Variants in MCM9 observed in about 807,000 individuals in gnomAD.
MCM9 encodes the protein DNA helicase MCM9.
Under a neutral mutation model 72.8 loss-of-function variants are expected in MCM9, and 55 were observed. That is an observed-to-expected ratio of 0.76 (90% confidence interval 0.61 to 0.95). MCM9 has a LOEUF of 0.95. Among genes scored for constraint, MCM9 ranks in the 40% least tolerant of loss-of-function variants. The pLI, the probability that MCM9 is intolerant of heterozygous loss-of-function variation, is 0.00. For missense variants in MCM9, 1,279 were observed against 1,377.0 expected, an observed-to-expected ratio of 0.93 and a Z score of 1.13; for synonymous variants, 480 against 503.4, an observed-to-expected ratio of 0.95 and a Z score of 0.62.
intron 8 of MCM9, among the ~76,000 whole-genome samples, chr6:118,860,847 T>G (rs2114700223): frequency 1.3e-5 from 2 of 152,364 alleles, no homozygotes; most frequent in South Asian, 4.1e-4. Context: ...TTATATTTGT[T>G]GTGCACTTTA....
intron 8 of MCM9, among the ~76,000 whole-genome samples, chr6:118,896,368 T>C (rs770825617): frequency 2.0e-5 from 3 of 151,822 alleles, no homozygotes; most frequent in Non-Finnish European, 4.4e-5. Flanking sequence ...CCACCAGAAG[T>C]TCTTCAAATT....
chr6:118,863,016 A>G (rs1016525198), intron 8 of MCM9, among the ~76,000 whole-genome samples: 5 of 152,220 alleles, frequency 3.3e-5, no homozygotes, highest in Non-Finnish European at 7.3e-5. Context: ...GGAAAATGAC[A>G]TAGGTCAGAA....
Position 118,911,648 on chromosome 6 carries a change from AC to A in MCM9, c.1150+1del. ...ATTACTTGAAATTGTCACATACAAT[AC>A]CTGCACTAGTAGATCCAATTCCTGT... On this transcript the variant is annotated splice_donor_variant, in intron 8 of 13. Transcript: ENST00000619706. LOFTEE classifies it high-confidence loss of function. 1 of 1,608,698 alleles carries A rather than the reference AC, an allele frequency of 6.2e-7. No homozygotes were observed. The highest frequency in any genetic ancestry group is 8.5e-7 in the Non-Finnish European group (1 of 1,177,350).
chr6:118,851,195 T>C (rs1776204380), intron 9 of MCM9, among the ~76,000 whole-genome samples: 1 of 151,798 alleles, frequency 6.6e-6, no homozygotes, highest in South Asian at 2.1e-4. Flanking sequence ...AAACATTTCA[T>C]TTCAAATCAA....
At chr6:118,871,393 T>C (rs978877707) in intron 8 of MCM9, among the ~76,000 whole-genome samples, 4 of 152,158 alleles carry the variant, frequency 2.6e-5, no homozygotes, top group Non-Finnish European at 4.4e-5. Context: ...ATCATTTCAA[T>C]AGATGTACAA....
chr6:118,913,427 A>G lies in MCM9; in HGVS notation c.905-7T>C. The G allele has an allele frequency of 6.2e-7, 1 of 1,612,250 alleles. No homozygotes were observed. On this transcript the variant is annotated splice_polypyrimidine_tract_variant and splice_region_variant and intron_variant, in intron 6 of 13. Transcript: ENST00000619706. ...GCCAATATTACATTCCTTCCTAGGA[A>G]AAGCAGAAAGATCAGAAATCAGCAA...
At chr6:118,913,147 CTAAG>C in intron 7 of MCM9, 144 bp downstream of exon 7, 1 of 855,908 alleles carries the variant, frequency 1.2e-6, no homozygotes, top group Non-Finnish European at 1.8e-6. Flanking sequence ...AGATGCTAGA[CTAAG>C]TATAAGATAT....
In MCM9 at chr6:118,816,082, G is replaced by T; in HGVS notation, c.2174C>A (p.Ser725Ter). ...DPPPHLEPNR[S>*]TSRKHSAQHK... ...CTGAGCTGAATGTTTCCTACTTGTTGATCTATTAGGCTCCAGATGCGGTGG... is the reference window on the plus strand; with the variant it reads ...CTGAGCTGAATGTTTCCTACTTGTTTATCTATTAGGCTCCAGATGCGGTGG... Residue 725 changes from serine to a stop codon, truncating the protein, a stop_gained, in exon 14 of 14, where the codon TCA (serine) becomes TAA (stop). Coordinates refer to ENST00000619706, the MANE Select transcript of MCM9 (RefSeq NM_017696.3). LOFTEE classifies it low-confidence loss of function (END_TRUNC). 6.5e-7 allele frequency: 1 copy of T among 1,550,120 alleles called. No individual in the cohort carries two copies. The highest frequency in any genetic ancestry group is 1.2e-5 in the South Asian group (1 of 84,018).
At position 118,922,044 on chromosome 6, in the gene MCM9, C is replaced by G. The variant is rs775262268; in HGVS notation, c.664G>C (p.Val222Leu). The change falls in exon 5 of 14, where the codon GTT becomes CTT. Residue 222 changes from valine (V) to leucine (L), a missense_variant. Coordinates refer to ENST00000619706, the MANE Select transcript of MCM9 (RefSeq NM_017696.3). ...TCCACTAAGTCATCTTCCAGAATAA[C>G]CTTCATAGATCGTGGAATACTTCCA... is the stretch of plus-strand genomic sequence containing the variant. ...SVGSIPRSMKVILEDDLVDSC... is the reference protein window; with the variant it reads ...SVGSIPRSMKLILEDDLVDSC... The G allele has an allele frequency of 6.2e-7, 1 of 1,613,106 alleles. No homozygotes were observed. Among genetic ancestry groups the G allele is most frequent in the Non-Finnish European group, 8.5e-7 (1 of 1,179,526 alleles).
chr6:118,840,098 T>C (rs1219996296), intron 9 of MCM9, among the ~76,000 whole-genome samples: 2 of 152,130 alleles, frequency 1.3e-5, no homozygotes, highest in Non-Finnish European at 2.9e-5. Flanking sequence ...GGCTGCTGCC[T>C]TTCTTTCTGA....
At position 118,930,034 on chromosome 6, in the gene MCM9, C is replaced by T. The variant is rs531030138; in HGVS notation, c.304+1386G>A. The stretch of plus-strand genomic sequence containing the variant: ...CCAAACCTTTTTGGAATTCAGGAAG[C>T]ATTCTTATTGATTATAAATCACCAC... On this transcript the variant is annotated intron_variant, in intron 3 of 13. Coordinates refer to ENST00000619706, the MANE Select transcript of MCM9 (RefSeq NM_017696.3). 4.6e-5 allele frequency among the ~76,000 whole-genome samples: 7 copies of T among 152,160 alleles called. No individual in the cohort carries two copies. The South Asian group carries it at 1.5e-3, about 32-fold the overall frequency.
intron 5 of MCM9, 33 bp downstream of exon 5, chr6:118,921,972 A>G (rs1163860343): frequency 1.3e-6 from 2 of 1,552,664 alleles, no homozygotes; most frequent in Non-Finnish European, 1.8e-6. Context: ...AGGACTACCT[A>G]CACAAGCTAA....
At chr6:118,818,950 T>C (rs767617746) in intron 13 of MCM9, among the ~76,000 whole-genome samples, 3 of 152,230 alleles carry the variant, frequency 2.0e-5, no homozygotes, top group African/African-American at 7.2e-5. Context: ...GAAATGCTTG[T>C]GATTGGTGCA....
chr6:118,890,375 A>G (rs925466975), intron 8 of MCM9, among the ~76,000 whole-genome samples: 6 of 152,200 alleles, frequency 3.9e-5, no homozygotes. Flanking sequence ...ATATGGGATG[A>G]TATCTTACCC....
intron 7 of MCM9, 38 bp from the exon 8 acceptor site, chr6:118,911,807 T>C (rs1345629782): frequency 1.3e-6 from 2 of 1,507,114 alleles, no homozygotes; most frequent in Admixed American, 1.7e-5. Context: ...TAAATTTCTA[T>C]AAAAGGGTCC....
intron 2 of MCM9, among the ~76,000 whole-genome samples, chr6:118,932,010 C>T: frequency 6.6e-6 from 1 of 152,080 alleles, no homozygotes; most frequent in East Asian, 1.9e-4. Context: ...CCATCTTTTC[C>T]CCAAATTTCC....
At chr6:118,911,819 T>G (rs1198288260) in intron 7 of MCM9, 50 bp from the exon 8 acceptor site, 1 of 1,403,006 alleles carries the variant, frequency 7.1e-7, no homozygotes, top group African/African-American at 1.4e-5. Flanking sequence ...AAAGGGTCCA[T>G]TTGGAATGCC....
At chr6:118,866,737 A>T (rs1393367983) in intron 8 of MCM9, among the ~76,000 whole-genome samples, 4 of 152,210 alleles carry the variant, frequency 2.6e-5, no homozygotes, top group Non-Finnish European at 5.9e-5. Flanking sequence ...CAGAAGGAGA[A>T]GAGAAAGGGA....
In MCM9 at chr6:118,933,091, A is replaced by G. The variant is rs1303417276; in HGVS notation, c.-149-351T>C. On this transcript the variant is annotated intron_variant, in intron 1 of 13. Coordinates refer to ENST00000619706, the MANE Select transcript of MCM9 (RefSeq NM_017696.3). ...AAATAAAACGAAACAGTGCACTACCAGTGGTCAAAAATGCAATATGAATAG... is the reference window on the plus strand; with the variant it reads ...AAATAAAACGAAACAGTGCACTACCGGTGGTCAAAAATGCAATATGAATAG... Among the ~76,000 whole-genome samples the G allele has an allele frequency of 2.0e-5, 3 of 152,206 alleles. No individual in the cohort carries two copies. In the East Asian group the frequency reaches 5.8e-4, roughly 29 times the overall value.
Sources: allele counts gnomAD v4.1 joint callset (sites outside exome capture counted in the v4.1 genomes callset), GRCh38; gene constraint gnomAD v4.1.1; transcripts MANE v1.5; gene names NCBI Gene and HGNC (gene_info 2026-07-23, HGNC 2026-07-21).